LDLRAD3: variants seen among roughly 807,000 people sequenced by gnomAD.
LDLRAD3 encodes the protein low-density lipoprotein receptor class A domain-containing protein 3.
A neutral mutation model predicts 29.4 loss-of-function variants in LDLRAD3; 20 were observed. The observed-to-expected ratio is 0.68, with a 90% CI of 0.48 to 0.99. LDLRAD3 has a LOEUF of 0.99. Among genes scored for constraint, LDLRAD3 ranks in the 50% least tolerant of loss-of-function variants. The pLI, the probability that LDLRAD3 is intolerant of heterozygous loss-of-function variation, is 0.00. For missense variants in LDLRAD3, 420 were observed against 454.3 expected (o/e 0.92, Z 0.69); for synonymous variants, 157 against 192.7 (o/e 0.81, Z 1.53).
Position 35,944,731 on chromosome 11 carries a change from T to A in LDLRAD3, c.46+587T>A, listed in dbSNP as rs1297026522. 1.3e-5 allele frequency among the ~76,000 whole-genome samples: 2 copies of A among 152,194 alleles called. No individual in the cohort carries two copies. Among genetic ancestry groups the A allele is most frequent in the Non-Finnish European group, 2.9e-5 (2 of 68,042 alleles). Reference sequence around the variant, plus strand: ...AAGCAAGGCCGGATCTGGGAATTCATTTTTCCCCACTGATCCTGGGAACCG... The same window carrying A: ...AAGCAAGGCCGGATCTGGGAATTCAATTTTCCCCACTGATCCTGGGAACCG... On this transcript the variant is annotated intron_variant, in intron 1 of 5. Transcript: ENST00000315571. The surrounding 1 kb of genome is among the most constrained non-coding windows in gnomAD (Gnocchi z 4.9).
intron 4 of LDLRAD3, among the ~76,000 whole-genome samples, chr11:36,100,366 C>T (rs1264932148): frequency 2.6e-5 from 4 of 152,102 alleles, no homozygotes; most frequent in Non-Finnish European, 4.4e-5. Context: ...AAATAGGGAA[C>T]AAGAATGCAA....
At chr11:36,223,602 C>A (rs1590368512) in intron 4 of LDLRAD3, among the ~76,000 whole-genome samples, 1 of 152,148 alleles carries the variant, frequency 6.6e-6, no homozygotes, top group Non-Finnish European at 1.5e-5. Context: ...TGTGACGCAC[C>A]CTTGTAGTCC....
chr11:36,151,374 G>C (rs770397026), intron 4 of LDLRAD3, among the ~76,000 whole-genome samples: 1 of 152,146 alleles, frequency 6.6e-6, no homozygotes, highest in Non-Finnish European at 1.5e-5. Flanking sequence ...ATCGAATACA[G>C]AAGAGAGGCA....
chr11:35,967,536 TGAG>T, intron 1 of LDLRAD3: 1 of 370,184 alleles, frequency 2.7e-6, no homozygotes. Flanking sequence ...TTTTCCACTT[TGAG>T]TTTGCTTATT....
chr11:36,168,104 T>G (rs1259858474), intron 4 of LDLRAD3, among the ~76,000 whole-genome samples: 1 of 152,164 alleles, frequency 6.6e-6, no homozygotes, highest in African/African-American at 2.4e-5. Context: ...CGGTGACAAA[T>G]GAGGAGGAGC....
intron 1 of LDLRAD3, among the ~76,000 whole-genome samples, chr11:36,019,734 C>T (rs1332429076): frequency 6.6e-6 from 1 of 152,150 alleles, no homozygotes; most frequent in African/African-American, 2.4e-5. Flanking sequence ...TGTCACTATT[C>T]CCTGGATACA....
intron 1 of LDLRAD3, among the ~76,000 whole-genome samples, chr11:35,953,666 G>T (rs990684440): frequency 6.6e-6 from 1 of 152,064 alleles, no homozygotes; most frequent in African/African-American, 2.4e-5. Context: ...GTTGAAAAAA[G>T]CCTCTTGATT....
intron 2 of LDLRAD3, among the ~76,000 whole-genome samples, chr11:36,064,097 G>A (rs1020580022): frequency 2.0e-5 from 3 of 152,082 alleles, no homozygotes; most frequent in Non-Finnish European, 2.9e-5. Context: ...GTGATGTGTT[G>A]TAGTTTTCAG....
intron 1 of LDLRAD3, among the ~76,000 whole-genome samples, chr11:36,034,175 T>G (rs1852275359): frequency 6.6e-6 from 1 of 152,192 alleles, no homozygotes; most frequent in Non-Finnish European, 1.5e-5. Flanking sequence ...TGACTTTATC[T>G]TAAGGACACC....
intron 3 of LDLRAD3, among the ~76,000 whole-genome samples, chr11:36,092,601 G>T (rs1316135900): frequency 1.3e-5 from 2 of 151,950 alleles, no homozygotes; most frequent in African/African-American, 2.4e-5. Context: ...TTAGCTTTTG[G>T]AATTCTTGAG....
At chr11:36,155,820 G>A (rs998667112) in intron 4 of LDLRAD3, among the ~76,000 whole-genome samples, 1 of 152,106 alleles carries the variant, frequency 6.6e-6, no homozygotes, top group Non-Finnish European at 1.5e-5. Flanking sequence ...AGTGGGATGC[G>A]CCTATCTAGA....
At chr11:36,055,013 AGATGGTTG>A (rs1852596492) in intron 2 of LDLRAD3, among the ~76,000 whole-genome samples, 2 of 33,196 alleles carry the variant, frequency 6.0e-5, no homozygotes, top group African/African-American at 1.3e-4. Flanking sequence ...ATGGATGGAT[AGATGGTTG>A]GATGAATGGA....
intron 4 of LDLRAD3, among the ~76,000 whole-genome samples, chr11:36,154,760 T>C (rs962473063): frequency 1.3e-5 from 2 of 152,210 alleles, no homozygotes; most frequent in African/African-American, 4.8e-5. Flanking sequence ...TTGGAACTTA[T>C]GTCAGAGGGA....
chr11:36,020,385 A>G (rs557704930), intron 1 of LDLRAD3, among the ~76,000 whole-genome samples: 1 of 152,314 alleles, frequency 6.6e-6, no homozygotes, highest in South Asian at 2.1e-4. Flanking sequence ...GTAATCTTAA[A>G]ATGCATGCAA....
In LDLRAD3 at chr11:35,944,080, C is replaced by G. The variant is rs1220873022; in HGVS notation, c.-19C>G. On this transcript the variant is annotated 5_prime_UTR_variant, in exon 1 of 6. Transcript: ENST00000315571. The surrounding 1 kb of genome is among the most constrained non-coding windows in gnomAD (Gnocchi z 4.9). ...CGGGGGCAGCAACGACGCCGGGCAG[C>G]GGGAGCGGCGGCCGCGCCATGTGGC... 2 of 1,074,146 alleles carry G rather than the reference C, an allele frequency of 1.9e-6. No homozygotes were observed. The highest frequency in any genetic ancestry group is 5.3e-5 in the Admixed American group (1 of 18,706). 66.5% of individuals were successfully genotyped at this position (1,074,146 alleles called of 1,614,324 possible).
chr11:36,123,964 A>G (rs1337281811), intron 4 of LDLRAD3, among the ~76,000 whole-genome samples: 3 of 152,272 alleles, frequency 2.0e-5, no homozygotes, highest in South Asian at 4.1e-4. Context: ...TGAAGCCGGC[A>G]GCTGGACCTT....
chr11:36,098,198 G>C (rs745627306), intron 3 of LDLRAD3, 129 bp from the exon 4 acceptor site: 53 of 1,127,658 alleles, frequency 4.7e-5, no homozygotes, highest in Non-Finnish European at 6.3e-5. Flanking sequence ...CATGGGCTTT[G>C]AGTCTGCCAG....
chr11:36,068,163 T>A (rs1288218588), intron 2 of LDLRAD3, among the ~76,000 whole-genome samples: 1 of 152,154 alleles, frequency 6.6e-6, no homozygotes, highest in Admixed American at 6.5e-5. Context: ...ATAAAGTGAG[T>A]TTGAGAATTA....
chr11:36,027,690 T>A (rs186233568), intron 1 of LDLRAD3, among the ~76,000 whole-genome samples: 23 of 152,248 alleles, frequency 1.5e-4, no homozygotes, highest in Admixed American at 3.3e-4. Context: ...AGAGAGACTA[T>A]CGAATGGTTC....
Sources: gnomAD v4.1 joint callset for allele counts (sites outside exome capture counted in the v4.1 genomes callset) on GRCh38, gnomAD v4.1.1 for gene constraint, Gnocchi (gnomAD v3.1) non-coding constraint, MANE v1.5 for transcripts, NCBI Gene and HGNC (gene_info 2026-07-23, HGNC 2026-07-21) for gene names.